KIF13A: variants seen among roughly 807,000 people sequenced by gnomAD.
KIF13A encodes the protein kinesin-like protein KIF13A.
A neutral mutation model predicts 212.2 loss-of-function variants in KIF13A; 79 were observed. That is an observed-to-expected ratio of 0.37 (90% CI 0.31 to 0.45). KIF13A has a LOEUF of 0.45. Ranked by LOEUF, KIF13A falls within the 20% of genes least tolerant of loss-of-function variation. KIF13A has a pLI of 1.00. For missense variants in KIF13A, 1,901 were observed against 2,209.0 expected (o/e 0.86, Z 2.79); for synonymous variants, 789 against 808.6 (o/e 0.98, Z 0.41).
rs1051067439 is a variant in KIF13A at position 17,947,682 on chromosome 6, C to CA, written c.146+39371dup. ...TGAAACCCTATCTCTACTAAAAATA[C>CA]AAAAAAAAATTAGCCAGGCATGGTG... is the stretch of plus-strand genomic sequence containing the variant. On this transcript the variant is annotated intron_variant, in intron 2 of 38. Coordinates refer to ENST00000259711, the MANE Select transcript of KIF13A (RefSeq NM_022113.6). The surrounding 1 kb of genome is among the most constrained non-coding windows in gnomAD (Gnocchi z 4.6). Among the ~76,000 whole-genome samples the CA allele has an allele frequency of 4.0e-4, 60 of 151,010 alleles. No individual in the cohort carries two copies. Among genetic ancestry groups the CA allele is most frequent in the Middle Eastern group, 3.4e-3 (1 of 294 alleles).
intron 14 of KIF13A, among the ~76,000 whole-genome samples, chr6:17,827,449 T>A (rs1041226544): frequency 5.3e-5 from 8 of 151,838 alleles, no homozygotes; most frequent in Non-Finnish European, 8.8e-5. Flanking sequence ...CAAAACTGTC[T>A]ATGAGATGCT....
chr6:17,774,349 C>G (rs1232394171), intron 35 of KIF13A, among the ~76,000 whole-genome samples: 4 of 152,164 alleles, frequency 2.6e-5, no homozygotes, highest in African/African-American at 9.7e-5. Context: ...TTTGATTATG[C>G]TATGGTGGAT....
chr6:17,955,258 T>A (rs960335477), intron 2 of KIF13A, among the ~76,000 whole-genome samples: 49 of 152,228 alleles, frequency 3.2e-4, no homozygotes, highest in African/African-American at 1.1e-3. Context: ...GATCCTTCTA[T>A]TAGTAGCGAA....
Position 17,764,555 on chromosome 6 carries a change from C to A in KIF13A, c.4973G>T (p.Gly1658Val), listed in dbSNP as rs374013859. The change falls in exon 39 of 39, where the codon GGC (glycine) becomes GTC (valine). Residue 1658 changes from glycine (G) to valine (V), a missense_variant. Physicochemically the swap from Gly to Val is moderately radical, Grantham distance 109 (BLOSUM62 -3). Transcript: ENST00000259711. The surrounding 1 kb of genome is among the most constrained non-coding windows in gnomAD (Gnocchi z 5.1). ...SNKELTEVEK[G>V]LVKDKIIVVP... is the part of the protein sequence containing the mutation. ...CACAATTATCTTGTCCTTTACCAAGCCTTTTTCGACTTCTGTCAACTCTTT... is the reference window on the plus strand; with the variant it reads ...CACAATTATCTTGTCCTTTACCAAGACTTTTTCGACTTCTGTCAACTCTTT... 2.5e-4 allele frequency: 398 copies of A among 1,613,828 alleles called. No homozygotes were observed. The highest frequency in any genetic ancestry group is 3.3e-4 in the Non-Finnish European group (386 of 1,179,880).
Position 17,849,393 on chromosome 6 carries a change from C to T in KIF13A, c.814G>A (p.Gly272Ser), listed in dbSNP as rs1767405969. ...CCACCTTACTTGTTAATGTTGCTGCCTTCTTTCAGTCGCTCTCCTGCAGCT... is the reference window on the plus strand; with the variant it reads ...CCACCTTACTTGTTAATGTTGCTGCTTTCTTTCAGTCGCTCTCCTGCAGCT... ...TGAAGERLKE[G>S]SNINKSLTTL... The change falls in exon 9 of 39, where the codon GGC becomes AGC. Residue 272 changes from glycine to serine, a missense_variant. Gly to Ser is a moderately conservative substitution (Grantham distance 56). Around this residue, in one of 5 missense-constraint regions of KIF13A, gnomAD observed 506 missense variants for 637.4 expected, o/e 0.79. Coordinates refer to ENST00000259711, the MANE Select transcript of KIF13A (RefSeq NM_022113.6). This position sits in a 1 kb window ranked among gnomAD's most constrained non-coding sequence, Gnocchi z 5.7. 6.2e-7 allele frequency: 1 copy of T among 1,612,964 alleles called. No homozygotes were observed. Among genetic ancestry groups the T allele is most frequent in the Non-Finnish European group, 8.5e-7 (1 of 1,179,368 alleles).
intron 16 of KIF13A, among the ~76,000 whole-genome samples, chr6:17,819,550 A>T (rs1426427153): frequency 1.3e-5 from 2 of 152,248 alleles, no homozygotes; most frequent in Admixed American, 1.3e-4. Flanking sequence ...CAACAGAGTG[A>T]GACTCCATCT....
At position 17,982,506 on chromosome 6, in the gene KIF13A, ACCCT is replaced by A. The variant is rs1046521409; in HGVS notation, c.146+4544_146+4547del. On this transcript the variant is annotated intron_variant, in intron 2 of 38. Transcript: ENST00000259711. The surrounding 1 kb of genome is among the most constrained non-coding windows in gnomAD (Gnocchi z 5.1). ...AGTAAGAGGAAGCTTTCTTCAACTG[ACCCT>A]CCCTCACACGATTTGCAAGGTGTAT... 2.8e-5 allele frequency: 22 copies of A among 778,096 alleles called. No individual in the cohort carries two copies. In the African/African-American group the frequency reaches 3.6e-4, roughly 13 times the overall value. The allele number at this position is 778,096 out of a possible 1,614,324, so 48.2% of individuals were successfully genotyped here.
intron 32 of KIF13A, 72 bp from the exon 33 acceptor site, chr6:17,779,171 C>A: frequency 7.5e-7 from 1 of 1,325,946 alleles, no homozygotes; most frequent in Non-Finnish European, 1.1e-6. Context: ...GGTGAGAAAA[C>A]GTTTTAGAAG....
At chr6:17,874,999 G>GCACACACACACACGCA (rs1554188630) in intron 3 of KIF13A, among the ~76,000 whole-genome samples, 24 of 120,254 alleles carry the variant, frequency 2.0e-4, no homozygotes, top group Non-Finnish European at 4.0e-4. Flanking sequence ...ACACGCACAC[G>GCACACACACACACGCA]CACGCACACA....
rs779336752 is a variant in KIF13A at position 17,794,686 on chromosome 6, T to A, written c.2961A>T (p.Arg987=). 4 of 1,609,820 alleles carry A rather than the reference T, an allele frequency of 2.5e-6. No individual in the cohort carries two copies. The highest frequency in any genetic ancestry group is 3.4e-6 in the Non-Finnish European group (4 of 1,179,014). The change falls in exon 24 of 39, where the codon CGA becomes CGT. Residue 987 remains arginine (R), a synonymous_variant. Transcript: ENST00000259711. The surrounding 1 kb of genome is among the most constrained non-coding windows in gnomAD (Gnocchi z 4.1). ...TLHDRWNEVT[R]RIEMWISILE... is the part of the protein sequence containing the mutation. ...ATATGGAGATCCACATTTCTATTCT[T>A]CGCGTTACTTCATTCCACCTGCAGA... is the stretch of plus-strand genomic sequence containing the variant.
intron 3 of KIF13A, among the ~76,000 whole-genome samples, chr6:17,877,674 T>C (rs1368444358): frequency 6.6e-6 from 1 of 151,982 alleles, no homozygotes; most frequent in African/African-American, 2.4e-5. Context: ...TTTCTTTTTG[T>C]TTTTTTTGAA....
intron 2 of KIF13A, among the ~76,000 whole-genome samples, chr6:17,908,868 T>C (rs1773770082): frequency 6.6e-6 from 1 of 152,186 alleles, no homozygotes; most frequent in African/African-American, 2.4e-5. Flanking sequence ...CTACAAGATA[T>C]AATGAAGCAC....
Position 17,984,207 on chromosome 6 carries a change from TG to T in KIF13A, c.146+2846del, listed in dbSNP as rs1278123991. Reference sequence around the variant, plus strand: ...TATACACCAGCGTAATTTACCACGTTGTATTTTAACTACTTTTTCCTCTCTC... The same window carrying T: ...TATACACCAGCGTAATTTACCACGTTTATTTTAACTACTTTTTCCTCTCTC... On this transcript the variant is annotated intron_variant, in intron 2 of 38. Coordinates refer to ENST00000259711, the MANE Select transcript of KIF13A (RefSeq NM_022113.6). The surrounding 1 kb of genome is among the most constrained non-coding windows in gnomAD (Gnocchi z 5.0). Among the ~76,000 whole-genome samples the T allele has an allele frequency of 6.6e-6, 1 of 152,220 alleles. No individual in the cohort carries two copies. The highest frequency in any genetic ancestry group is 1.9e-4 in the East Asian group (1 of 5,204).
intron 16 of KIF13A, 90 bp from the exon 17 acceptor site, chr6:17,817,323 T>C: frequency 4.5e-6 from 5 of 1,099,412 alleles, no homozygotes; most frequent in South Asian, 1.4e-5. Context: ...AGGCTTCCTC[T>C]AGCAAGGAAT....
chr6:17,973,644 A>G (rs1291292736), intron 2 of KIF13A, among the ~76,000 whole-genome samples: 2 of 152,242 alleles, frequency 1.3e-5, no homozygotes, highest in African/African-American at 4.8e-5. Context: ...CTTACAGACT[A>G]TCTAGTCCAG....
At chr6:17,857,226 A>G (rs537093556) in intron 4 of KIF13A, among the ~76,000 whole-genome samples, 2 of 152,306 alleles carry the variant, frequency 1.3e-5, no homozygotes, top group African/African-American at 4.8e-5. Flanking sequence ...AAGTGTTTCA[A>G]CACAAAACGA....
chr6:17,862,947 CAAAAACAAACAA>C (rs1768972251), intron 4 of KIF13A, among the ~76,000 whole-genome samples: 1 of 151,640 alleles, frequency 6.6e-6, no homozygotes, highest in Admixed American at 6.6e-5. Context: ...GACTGCGTCT[CAAAAACAAACAA>C]ACAAACAAAC....
At chr6:17,831,455 A>C (rs1001520892) in intron 12 of KIF13A, among the ~76,000 whole-genome samples, 3 of 151,846 alleles carry the variant, frequency 2.0e-5, no homozygotes, top group African/African-American at 7.3e-5. Flanking sequence ...TTGGCTCTTA[A>C]GGAGCTTAGA....
intron 31 of KIF13A, among the ~76,000 whole-genome samples, chr6:17,780,419 C>T (rs1760458803): frequency 6.6e-6 from 1 of 152,224 alleles, no homozygotes; most frequent in Non-Finnish European, 1.5e-5. Flanking sequence ...TTGTCACTCA[C>T]TTGCTTGGAC....
Sources: gnomAD v4.1 joint callset for allele counts (sites outside exome capture counted in the v4.1 genomes callset) on GRCh38, gnomAD v4.1.1 for gene constraint, gnomAD v4.1.1 regional missense constraint, Gnocchi (gnomAD v3.1) non-coding constraint, MANE v1.5 for transcripts, NCBI Gene and HGNC (gene_info 2026-07-23, HGNC 2026-07-21) for gene names.